EPB41L5: variants seen among roughly 807,000 people sequenced by gnomAD.
The protein encoded by EPB41L5 is erythrocyte membrane protein band 4.1 like 5.
Under a neutral mutation model 106.6 loss-of-function variants are expected in EPB41L5, and 55 were observed. The observed-to-expected ratio is 0.52, with a 90% CI of 0.42 to 0.65. EPB41L5 has a LOEUF of 0.65. Among genes scored for constraint, EPB41L5 ranks in the 30% least tolerant of loss-of-function variants. The pLI is 0.00. For missense variants in EPB41L5, 871 were observed against 882.1 expected (o/e 0.99, Z 0.16); for synonymous variants, 297 against 306.7 (o/e 0.97, Z 0.33).
intron 2 of EPB41L5, among the ~76,000 whole-genome samples, chr2:120,027,388 T>C (rs1472639423): frequency 6.6e-6 from 1 of 152,170 alleles, no homozygotes; most frequent in African/African-American, 2.4e-5. Context: ...TGCTAAAACG[T>C]AGATGAATTT....
intron 18 of EPB41L5, among the ~76,000 whole-genome samples, chr2:120,139,183 G>C (rs1431164237): frequency 1.3e-5 from 2 of 151,988 alleles, no homozygotes; most frequent in African/African-American, 4.8e-5. Flanking sequence ...AATGAAAATG[G>C]ATTAAAGACT....
At chr2:120,124,085 G>A (rs748386739) in intron 16 of EPB41L5, among the ~76,000 whole-genome samples, 8 of 152,262 alleles carry the variant, frequency 5.3e-5, no homozygotes, top group Middle Eastern at 3.4e-3. Context: ...CAGTGATGGC[G>A]TATGTGCAAA....
chr2:120,168,062 A>AT (rs1164613926), intron 24 of EPB41L5, 55 bp downstream of exon 24: 3 of 1,585,566 alleles, frequency 1.9e-6, no homozygotes, highest in Non-Finnish European at 2.6e-6. Flanking sequence ...GAAGAAAAAA[A>AT]TAATAAAACT....
chr2:120,068,435 C>G (rs1681604813), intron 3 of EPB41L5, among the ~76,000 whole-genome samples: 1 of 152,156 alleles, frequency 6.6e-6, no homozygotes, highest in African/African-American at 2.4e-5. Flanking sequence ...CCCATGGAGC[C>G]CAGCAAGCTA....
intron 14 of EPB41L5, among the ~76,000 whole-genome samples, chr2:120,097,166 A>G (rs1488901424): frequency 6.6e-6 from 1 of 152,224 alleles, no homozygotes; most frequent in African/African-American, 2.4e-5. Flanking sequence ...TCTGGAAAAC[A>G]TAGCAGAAAT....
At chr2:120,102,224 T>A (rs561467957) in intron 16 of EPB41L5, among the ~76,000 whole-genome samples, 2 of 152,328 alleles carry the variant, frequency 1.3e-5, no homozygotes, top group East Asian at 3.9e-4. Context: ...AGGTACATAT[T>A]TAAACCTGTT....
rs1468364101 is a variant in EPB41L5, at chr2:120,076,496, T to TTA, written c.506-475_506-474insTA. On this transcript the variant is annotated intron_variant, in intron 7 of 24. Coordinates refer to ENST00000263713, the MANE Select transcript of EPB41L5 (RefSeq NM_020909.4). ...TTTTTTTTTTTTTTTTTTTTTTTTT[T>TTA]AGAGACGAGGTCTTGCTATGTTGCC... 5.3e-5 allele frequency among the ~76,000 whole-genome samples: 7 copies of TTA among 131,488 alleles called. 2 individuals are homozygous for TTA. The South Asian group carries it at 7.4e-4, about 14-fold the overall frequency. The allele number at this position is 131,488 out of a possible 152,430, so 86.3% of individuals were successfully genotyped here.
At chr2:120,061,480 C>T (rs1008091171) in intron 3 of EPB41L5, among the ~76,000 whole-genome samples, 10 of 151,926 alleles carry the variant, frequency 6.6e-5, no homozygotes, top group Admixed American at 5.9e-4. Flanking sequence ...GCCTCGGCCT[C>T]CCAAAGTGCT....
In EPB41L5 at chr2:120,167,987, C is replaced by A; in HGVS notation, c.2115C>A (p.Phe705Leu). Residue 705 changes from phenylalanine to leucine, a missense_variant, in exon 24 of 25, where the codon TTC (phenylalanine) becomes TTA (leucine). Transcript: ENST00000263713. ...GISLISPPAP[F>L]LVDAVTSSGP... ...CACTGATCTCTCCCCCAGCGCCATTCTTGGTAGATGCTGTGACCAGGTGAG... is the reference window on the plus strand; with the variant it reads ...CACTGATCTCTCCCCCAGCGCCATTATTGGTAGATGCTGTGACCAGGTGAG... The A allele has an allele frequency of 6.2e-7, 1 of 1,614,122 alleles. No homozygotes were observed. The highest frequency in any genetic ancestry group is 8.5e-7 in the Non-Finnish European group (1 of 1,179,990).
At chr2:120,104,088 C>T (rs1486008569) in intron 16 of EPB41L5, 21 of 1,534,934 alleles carry the variant, frequency 1.4e-5, no homozygotes, top group Admixed American at 2.0e-5. Context: ...CTGCTGTCAA[C>T]GTGGTGGAAA....
rs560028415 is a variant in EPB41L5 at position 120,068,722 on chromosome 2, A to G, written c.286-4456A>G. Among the ~76,000 whole-genome samples, 13 of 152,316 alleles carry G rather than the reference A, an allele frequency of 8.5e-5. No homozygotes were observed. The South Asian group carries it at 1.7e-3, about 19-fold the overall frequency. ...GACTGGCAAGTTGGATAAAAAGTCA[A>G]GACACCTCGGTGTGCTGTATTTAGG... On this transcript the variant is annotated intron_variant, in intron 3 of 24. Coordinates refer to ENST00000263713, the MANE Select transcript of EPB41L5 (RefSeq NM_020909.4).
At chr2:120,017,499 TG>T (rs779641177) in intron 1 of EPB41L5, among the ~76,000 whole-genome samples, 1 of 152,226 alleles carries the variant, frequency 6.6e-6, no homozygotes, top group Admixed American at 6.5e-5. Context: ...CTCTCTTTGT[TG>T]TGCAAATGAA....
At chr2:120,016,818 C>G (rs918155582) in intron 1 of EPB41L5, among the ~76,000 whole-genome samples, 4 of 151,862 alleles carry the variant, frequency 2.6e-5, no homozygotes, top group Non-Finnish European at 5.9e-5. Flanking sequence ...CAAGTACAGT[C>G]TTAGGCAGCT....
rs539050418 is a variant in EPB41L5, at chr2:120,022,939, G to A, written c.180+3675G>A. On this transcript the variant is annotated intron_variant, in intron 2 of 24. Coordinates refer to ENST00000263713, the MANE Select transcript of EPB41L5 (RefSeq NM_020909.4). ...CATTTCTCTAATGGCCAGTGATGAT[G>A]AGCTTTTTTTCATATGTTTGTTGAC... is the stretch of plus-strand genomic sequence containing the variant. Among the ~76,000 whole-genome samples, 14 of 152,294 alleles carry A rather than the reference G, an allele frequency of 9.2e-5. No homozygotes were observed. The East Asian group carries it at 1.9e-3, about 21-fold the overall frequency.
intron 1 of EPB41L5, among the ~76,000 whole-genome samples, chr2:120,017,772 T>C (rs1677621383): frequency 6.6e-6 from 1 of 152,170 alleles, no homozygotes; most frequent in Non-Finnish European, 1.5e-5. Flanking sequence ...GTGTTTTTAT[T>C]ATGAATGCTC....
Position 120,077,259 on chromosome 2 carries a change from T to A in EPB41L5, c.657T>A (p.Asn219Lys). Residue 219 changes from asparagine (N) to lysine (K), a missense_variant, in exon 9 of 25, where the codon AAT becomes AAA. Transcript: ENST00000263713. The stretch of plus-strand genomic sequence containing the variant: ...AAACACCAGCACAGGCTGAAACCAA[T>A]TATCTGAATAAAGCCAAATGGCTAG... ...RGQTPAQAET[N>K]YLNKAKWLEM... 6.2e-7 allele frequency: 1 copy of A among 1,611,620 alleles called. No individual in the cohort carries two copies. Among genetic ancestry groups the A allele is most frequent in the Non-Finnish European group, 8.5e-7 (1 of 1,178,428 alleles).
At chr2:120,138,851 C>G (rs192783634) in intron 18 of EPB41L5, among the ~76,000 whole-genome samples, 59 of 151,990 alleles carry the variant, frequency 3.9e-4, no homozygotes, top group Middle Eastern at 6.8e-3. Context: ...TTATATGGAA[C>G]CACAAAAGAC....
intron 18 of EPB41L5, among the ~76,000 whole-genome samples, chr2:120,133,528 C>T (rs1378775143): frequency 2.0e-5 from 3 of 152,158 alleles, no homozygotes; most frequent in Non-Finnish European, 1.5e-5. Flanking sequence ...ATGCAGGGCA[C>T]AATTTCGCTG....
At chr2:120,142,406 C>T (rs1364979051) in intron 18 of EPB41L5, among the ~76,000 whole-genome samples, 1 of 151,870 alleles carries the variant, frequency 6.6e-6, no homozygotes, top group Non-Finnish European at 1.5e-5. Flanking sequence ...TTTTCTTGTT[C>T]TTTGATGAGC....
Sources: gnomAD v4.1 joint callset for allele counts (sites outside exome capture counted in the v4.1 genomes callset) on GRCh38, gnomAD v4.1.1 for gene constraint, MANE v1.5 for transcripts, NCBI Gene and HGNC (gene_info 2026-07-23, HGNC 2026-07-21) for gene names.